Variants in PCDH9 observed in about 807,000 individuals in gnomAD.
PCDH9 encodes the protein protocadherin 9.
A neutral mutation model predicts 70.6 loss-of-function variants in PCDH9; 24 were observed. The ratio of observed to expected loss-of-function variants is 0.34; its 90% confidence interval spans 0.25 to 0.48. PCDH9 has a LOEUF of 0.48. PCDH9 is among the 20% of genes least tolerant of loss of function. PCDH9 has a pLI of 0.99. For synonymous variants in PCDH9, 562 were observed against 558.5 expected, an observed-to-expected ratio of 1.01 and a Z score of -0.09; for missense variants, 1,281 against 1,503.6, an observed-to-expected ratio of 0.85 and a Z score of 2.45.
intron 4 of PCDH9, among the ~76,000 whole-genome samples, chr13:66,630,233 G>A (rs573606765): frequency 3.7e-4 from 56 of 151,920 alleles, no homozygotes; most frequent in African/African-American, 1.3e-3. Flanking sequence ...GCAGTTTTAG[G>A]ATCACAGCAA....
intron 4 of PCDH9, among the ~76,000 whole-genome samples, chr13:66,320,891 C>T (rs1043170338): frequency 3.9e-5 from 6 of 152,010 alleles, no homozygotes; most frequent in Admixed American, 1.3e-4. Flanking sequence ...TTAAGATCAT[C>T]ACGTATAGCT....
intron 2 of PCDH9, among the ~76,000 whole-genome samples, chr13:66,991,364 G>T (rs1257965709): frequency 6.6e-6 from 1 of 151,910 alleles, no homozygotes; most frequent in Non-Finnish European, 1.5e-5. Flanking sequence ...TCAAGATGAA[G>T]AATGTATGAA....
intron 2 of PCDH9, chr13:67,222,427 C>T (rs2089751015): frequency 6.6e-6 from 1 of 151,982 alleles, no homozygotes; most frequent in African/African-American, 2.4e-5. Context: ...TACAGTGTTT[C>T]CTATGTTCTT....
chr13:66,429,918 A>G (rs943149178), intron 4 of PCDH9, among the ~76,000 whole-genome samples: 5 of 152,010 alleles, frequency 3.3e-5, no homozygotes, highest in African/African-American at 9.7e-5. Context: ...CAGTGAGAAT[A>G]TACCTTTATC....
intron 2 of PCDH9, among the ~76,000 whole-genome samples, chr13:67,161,565 A>C (rs185218113): frequency 6.6e-6 from 1 of 152,096 alleles, no homozygotes; most frequent in Non-Finnish European, 1.5e-5. Context: ...GAGCCACTGA[A>C]CTCCAAGAGG....
chr13:66,900,102 C>T (rs1360765180), intron 3 of PCDH9, among the ~76,000 whole-genome samples: 1 of 151,902 alleles, frequency 6.6e-6, no homozygotes, highest in African/African-American at 2.4e-5. Flanking sequence ...TGGTCTCTGA[C>T]AATCAAATAG....
rs140109190 is a variant in PCDH9, at chr13:66,983,818, G to GT, written c.3037-80214dup. Among the ~76,000 whole-genome samples, 615 of 148,698 alleles carry GT rather than the reference G, an allele frequency of 4.1e-3. 2 individuals are homozygous for GT. The highest frequency in any genetic ancestry group is 0.013 in the African/African-American group (514 of 40,242). On this transcript the variant is annotated intron_variant, in intron 2 of 4. Coordinates refer to ENST00000377865, the MANE Select transcript of PCDH9 (RefSeq NM_203487.3). ...AGCCTAGTACCCAATCGTTTTTTTT[G>GT]TTTTTTTTTGTTTTTGTTTTTGTTT...
At chr13:66,864,442 C>T (rs1426652405) in intron 3 of PCDH9, among the ~76,000 whole-genome samples, 1 of 152,130 alleles carries the variant, frequency 6.6e-6, no homozygotes, top group African/African-American at 2.4e-5. Flanking sequence ...CTAAAATCTG[C>T]ATAGGCTTCT....
At chr13:67,068,641 C>A (rs1272355598) in intron 2 of PCDH9, among the ~76,000 whole-genome samples, 1 of 152,124 alleles carries the variant, frequency 6.6e-6, no homozygotes, top group Non-Finnish European at 1.5e-5. Context: ...TGCGTTTGAT[C>A]CCAAACCTCA....
intron 4 of PCDH9, among the ~76,000 whole-genome samples, chr13:66,507,365 G>A (rs1402712452): frequency 6.6e-6 from 1 of 152,100 alleles, no homozygotes; most frequent in African/African-American, 2.4e-5. Flanking sequence ...GGTATCACGG[G>A]TGGACAAATC....
chr13:66,623,659 C>G (rs896649195), intron 4 of PCDH9, among the ~76,000 whole-genome samples: 5 of 152,118 alleles, frequency 3.3e-5, no homozygotes, highest in African/African-American at 4.8e-5. Flanking sequence ...AGCCTGGTCT[C>G]CAACTCCTGG....
intron 4 of PCDH9, among the ~76,000 whole-genome samples, chr13:66,605,307 C>T (rs73194772): frequency 0.16 from 24,622 of 151,984 alleles, 2,175 homozygotes; most frequent in Middle Eastern, 0.22. Flanking sequence ...AAGGTACATT[C>T]TGGTAATAAT....
intron 4 of PCDH9, among the ~76,000 whole-genome samples, chr13:66,559,833 T>TATACACACACACAC (rs777316241): frequency 4.6e-5 from 4 of 87,100 alleles, no homozygotes; most frequent in Admixed American, 3.6e-4. Flanking sequence ...TATATATATA[T>TATACACACACACAC]ACACACACAC....
chr13:66,873,210 T>C (rs1297748914), intron 3 of PCDH9, among the ~76,000 whole-genome samples: 3 of 152,168 alleles, frequency 2.0e-5, no homozygotes, highest in African/African-American at 7.2e-5. Flanking sequence ...TCAGTCTACT[T>C]TGTTATTTTA....
At chr13:66,784,124 T>C (rs549606645) in intron 3 of PCDH9, among the ~76,000 whole-genome samples, 2 of 152,244 alleles carry the variant, frequency 1.3e-5, no homozygotes, top group South Asian at 2.1e-4. Context: ...TTTACCTACC[T>C]CCAGAGCCTC....
At chr13:66,726,526 C>T (rs1349623176) in intron 3 of PCDH9, among the ~76,000 whole-genome samples, 1 of 152,164 alleles carries the variant, frequency 6.6e-6, no homozygotes, top group East Asian at 1.9e-4. Context: ...CACACTAAGT[C>T]ACTGTGACTC....
At chr13:67,203,736 C>G (rs888626825) in intron 2 of PCDH9, 1 of 151,962 alleles carries the variant, frequency 6.6e-6, no homozygotes. Flanking sequence ...GATTAAAACT[C>G]CTATCACAAA....
chr13:66,802,139 A>T (rs1296400071), intron 3 of PCDH9, among the ~76,000 whole-genome samples: 1 of 151,570 alleles, frequency 6.6e-6, no homozygotes, highest in African/African-American at 2.4e-5. Flanking sequence ...TTTTTCTTAG[A>T]GCTGTTTATT....
chr13:66,393,995 C>A (rs186458682), intron 4 of PCDH9, among the ~76,000 whole-genome samples: 1 of 152,174 alleles, frequency 6.6e-6, no homozygotes, highest in Admixed American at 6.5e-5. Context: ...CTATGACTGA[C>A]GGGAGAAATA....
Sources: allele counts gnomAD v4.1 joint callset (sites outside exome capture counted in the v4.1 genomes callset), GRCh38; gene constraint gnomAD v4.1.1; transcripts MANE v1.5; gene names NCBI Gene and HGNC (gene_info 2026-07-23, HGNC 2026-07-21).